DGKH: variants seen among roughly 807,000 people sequenced by gnomAD.
DGKH encodes DAG kinase eta.
Under a neutral mutation model 159.3 loss-of-function variants are expected in DGKH, and 90 were observed. The observed-to-expected ratio is 0.57, with a 90% CI of 0.48 to 0.67. The LOEUF is 0.67. Among genes scored for constraint, DGKH ranks in the 30% least tolerant of loss-of-function variants. DGKH has a pLI of 0.00. For synonymous variants in DGKH, 536 were observed against 553.8 expected, an observed-to-expected ratio of 0.97 and a Z score of 0.45; for missense variants, 1,181 against 1,506.1, an observed-to-expected ratio of 0.78 and a Z score of 3.57.
intron 1 of DGKH, among the ~76,000 whole-genome samples, chr13:42,054,119 C>G (rs9594668): frequency 0.18 from 27,103 of 152,178 alleles, 2,511 homozygotes; most frequent in Non-Finnish European, 0.21. Context: ...TCATCACAAA[C>G]CCTAGGTGAA....
chr13:42,059,512 A>G lies in DGKH; in HGVS notation c.192+10547A>G, dbSNP rs556006616. 1.4e-4 allele frequency among the ~76,000 whole-genome samples: 21 copies of G among 152,298 alleles called. No homozygotes were observed. In the South Asian group the frequency reaches 4.4e-3, roughly 32 times the overall value. ...TGGTCTGCCCACGTTGGCCTCCCAA[A>G]GTGCTAGGATTACAGGCGTGACCCA... On this transcript the variant is annotated intron_variant, in intron 1 of 29. Transcript: ENST00000337343.
At chr13:42,160,640 G>GAGATC (rs1384450063) in intron 7 of DGKH, among the ~76,000 whole-genome samples, 1 of 152,206 alleles carries the variant, frequency 6.6e-6, no homozygotes, top group Non-Finnish European at 1.5e-5. Flanking sequence ...GAGTAGGAAG[G>GAGATC]AGATCATGTA....
chr13:42,198,710 AG>A (rs1957271311), intron 18 of DGKH, 115 bp downstream of exon 18: 2 of 962,806 alleles, frequency 2.1e-6, no homozygotes, highest in Non-Finnish European at 3.1e-6. Context: ...ATGTAAAAAA[AG>A]GATGATCAGA....
In DGKH at chr13:42,189,091, C is replaced by T; in HGVS notation, c.1694C>T (p.Ser565Phe). ...CTGCTGCAGGCTTTGCACACAGATT[C>T]CCAGGCTGCGCCTGTTCTCCCTGGC... ...EQLLQALHTDSQAAPVLPGLS... is the reference protein window; with the variant it reads ...EQLLQALHTDFQAAPVLPGLS... Residue 565 changes from serine (S) to phenylalanine (F), a missense_variant, in exon 15 of 30, where the codon TCC becomes TTC. Physicochemically the swap from Ser to Phe is radical, Grantham distance 155. This residue lies in a region of DGKH where 257 missense variants were observed against 281.5 expected (regional missense o/e 0.91). Transcript: ENST00000337343. 1 of 1,614,160 alleles carries T rather than the reference C, an allele frequency of 6.2e-7. No homozygotes were observed. The highest frequency in any genetic ancestry group is 2.2e-5 in the East Asian group (1 of 44,888).
Position 42,041,627 on chromosome 13 carries a change from C to T in DGKH, c.-13+1501C>T, listed in dbSNP as rs1435189884. Among the ~76,000 whole-genome samples, 10 of 152,298 alleles carry T rather than the reference C, an allele frequency of 6.6e-5. No individual in the cohort carries two copies. The East Asian group carries it at 1.7e-3, about 26-fold the overall frequency. On this transcript the variant is annotated intron_variant, in intron 1 of 29. Transcript: ENST00000379274. ...GATTTGTTCCCTCAAACTCCCTCAA[C>T]TTCCTTCTCTCTTCCGATTCAAACA...
At chr13:42,222,236 T>C (rs1319232347) in intron 29 of DGKH, among the ~76,000 whole-genome samples, 1 of 152,226 alleles carries the variant, frequency 6.6e-6, no homozygotes, top group African/African-American at 2.4e-5. Flanking sequence ...TAGTAACGTT[T>C]GTTGGAGTGA....
intron 5 of DGKH, among the ~76,000 whole-genome samples, chr13:42,156,260 C>T (rs371332116): frequency 1.3e-5 from 2 of 151,858 alleles, no homozygotes; most frequent in African/African-American, 4.8e-5. Flanking sequence ...TGTTTTGTTT[C>T]GAGAAGGGGT....
rs1954320264 is a variant in DGKH at position 42,087,078 on chromosome 13, CA to C, written c.192+38114del. On this transcript the variant is annotated intron_variant, in intron 1 of 29. Coordinates refer to ENST00000337343, the MANE Select transcript of DGKH (RefSeq NM_178009.5). ...ACACACACACACACACACACACACA[CA>C]CACACCTCAGAACAGAGTAGGCACA... Among the ~76,000 whole-genome samples, 7 of 150,506 alleles carry C rather than the reference CA, an allele frequency of 4.7e-5. No homozygotes were observed. In the South Asian group the frequency reaches 8.4e-4, roughly 18 times the overall value.
downstream of DGKH, among the ~76,000 whole-genome samples, chr13:42,244,365 G>A (rs1001951039): frequency 3.9e-5 from 6 of 152,220 alleles, no homozygotes; most frequent in African/African-American, 9.6e-5. Flanking sequence ...GGAAGAAGCC[G>A]GAGAATGAAT....
chr13:42,123,652 C>T lies in DGKH; in HGVS notation c.193-3811C>T, dbSNP rs180676749. On this transcript the variant is annotated intron_variant, in intron 1 of 29. Coordinates refer to ENST00000337343, the MANE Select transcript of DGKH (RefSeq NM_178009.5). ...CATTTAAGATGCAAAAATAGGAAAACAGTTCAATTTTAAAAATGGACTAAA... is the reference window on the plus strand; with the variant it reads ...CATTTAAGATGCAAAAATAGGAAAATAGTTCAATTTTAAAAATGGACTAAA... Among the ~76,000 whole-genome samples, 163 of 152,210 alleles carry T rather than the reference C, an allele frequency of 1.1e-3. 4 individuals carry two copies. The highest frequency in any genetic ancestry group is 0.011 in the Admixed American group (161 of 15,280).
intron 3 of DGKH, among the ~76,000 whole-genome samples, chr13:42,152,546 C>T (rs1955933888): frequency 6.7e-6 from 1 of 149,704 alleles, no homozygotes; most frequent in Admixed American, 6.7e-5. Context: ...ATAAGATACC[C>T]CAACAAGTAA....
At position 42,229,217 on chromosome 13, in the gene DGKH, A is replaced by G. The variant is rs755821972; in HGVS notation, c.*29A>G. The G allele has an allele frequency of 3.2e-6, 5 of 1,584,902 alleles. No homozygotes were observed. The highest frequency in any genetic ancestry group is 4.3e-6 in the Non-Finnish European group (5 of 1,163,428). ...TATTGGTGCTATTTCTTGGAAGAGA[A>G]GTTATTGCCACTTAATACAAAGTCC... On this transcript the variant is annotated 3_prime_UTR_variant, in exon 30 of 30. Transcript: ENST00000337343.
intron 3 of DGKH, among the ~76,000 whole-genome samples, chr13:42,136,757 G>A (rs1442359916): frequency 3.3e-5 from 5 of 152,114 alleles, no homozygotes; most frequent in East Asian, 3.8e-4. Flanking sequence ...GGGCTTACTC[G>A]GTTGATGAAA....
intron 13 of DGKH, among the ~76,000 whole-genome samples, chr13:42,185,401 T>G (rs561346769): frequency 2.0e-5 from 3 of 152,286 alleles, no homozygotes; most frequent in South Asian, 4.1e-4. Context: ...CAGCCTCTGT[T>G]TGCCTCAGTG....
At chr13:42,132,858 G>A (rs1955315164) in intron 3 of DGKH, among the ~76,000 whole-genome samples, 1 of 152,018 alleles carries the variant, frequency 6.6e-6, no homozygotes, top group Admixed American at 6.6e-5. Flanking sequence ...GCAACAGAGT[G>A]AGACCCTGTC....
At chr13:42,190,935 T>C (rs1957048162) in intron 16 of DGKH, among the ~76,000 whole-genome samples, 1 of 152,218 alleles carries the variant, frequency 6.6e-6, no homozygotes, top group Non-Finnish European at 1.5e-5. Flanking sequence ...GGCATTTAAG[T>C]GATTCAGCAG....
At chr13:42,091,431 C>T (rs557954485) in intron 1 of DGKH, among the ~76,000 whole-genome samples, 355 of 152,058 alleles carry the variant, frequency 2.3e-3, no homozygotes, top group Non-Finnish European at 4.1e-3. Flanking sequence ...CAGTTAATAT[C>T]CAGAAAATGA....
chr13:42,163,592 C>T (rs370065006), intron 7 of DGKH, among the ~76,000 whole-genome samples: 86 of 152,228 alleles, frequency 5.6e-4, no homozygotes, highest in African/African-American at 1.6e-3. Context: ...TGGTTTTGAT[C>T]TGCATTTCTC....
rs1958498764 is a variant in DGKH at position 42,240,686 on chromosome 13, A to G, written c.*11498A>G. ...GCTTGTGACTCTTATCACCCTCTATAGAATATAAAGACTAAAAATAAAAAC... is the reference window on the plus strand; with the variant it reads ...GCTTGTGACTCTTATCACCCTCTATGGAATATAAAGACTAAAAATAAAAAC... On this transcript the variant is annotated 3_prime_UTR_variant, in exon 30 of 30. Transcript: ENST00000337343. 1 of 152,248 alleles carries G rather than the reference A, an allele frequency of 6.6e-6. No individual in the cohort carries two copies. Among genetic ancestry groups the G allele is most frequent in the Admixed American group, 6.5e-5 (1 of 15,282 alleles). The allele number at this position is 152,248 out of a possible 1,614,324, so 9.4% of individuals were successfully genotyped here. A position where few individuals can be genotyped will look rare whatever the true frequency, so the allele number is the denominator to read the frequency against.
Sources: allele counts gnomAD v4.1 joint callset (sites outside exome capture counted in the v4.1 genomes callset), GRCh38; gene constraint gnomAD v4.1.1; regional missense constraint gnomAD v4.1.1; transcripts MANE v1.5; gene names NCBI Gene and HGNC (gene_info 2026-07-23, HGNC 2026-07-21).